The following RASAL2 variants were observed in gnomAD, a reference collection of about 807,000 sequenced individuals.
RASAL2 encodes the protein ras GTPase-activating protein nGAP.
A neutral mutation model predicts 128.9 loss-of-function variants in RASAL2; 58 were observed. The observed-to-expected ratio is 0.45, with a 90% CI of 0.36 to 0.56. RASAL2 has a LOEUF of 0.56. Ranked by LOEUF, RASAL2 falls within the 20% of genes least tolerant of loss-of-function variation. RASAL2 has a pLI of 0.00. For synonymous variants in RASAL2, 561 were observed against 580.8 expected (o/e 0.97, Z 0.49); for missense variants, 1,360 against 1,601.6 (o/e 0.85, Z 2.57).
chr1:178,218,949 C>T (rs1011595420), intron 1 of RASAL2, among the ~76,000 whole-genome samples: 1 of 152,218 alleles, frequency 6.6e-6, no homozygotes, highest in East Asian at 1.9e-4. Context: ...GCATTTTGTT[C>T]CAATAGCAGA....
intron 4 of RASAL2, among the ~76,000 whole-genome samples, chr1:178,414,189 A>G (rs554102904): frequency 6.6e-6 from 1 of 152,336 alleles, no homozygotes; most frequent in Admixed American, 6.5e-5. Flanking sequence ...CCTATCATAA[A>G]TCAAAAAATT....
intron 3 of RASAL2, among the ~76,000 whole-genome samples, chr1:178,338,024 GC>G (rs1184047374): frequency 1.3e-5 from 2 of 151,984 alleles, no homozygotes; most frequent in African/African-American, 4.8e-5. Flanking sequence ...GAGCCACTGT[GC>G]CCAGCTGTGA....
Position 178,457,783 on chromosome 1 carries a change from A to G in RASAL2, c.2491A>G (p.Thr831Ala), listed in dbSNP as rs1273403030. Residue 831 changes from threonine to alanine, a missense_variant, in exon 14 of 18, where the codon ACT (threonine) becomes GCT (alanine). Thr to Ala is a moderately conservative substitution (Grantham distance 58). Around this residue, in one of 3 missense-constraint regions of RASAL2, gnomAD observed 741 missense variants for 868.6 expected, o/e 0.85. Transcript: ENST00000367649. ...TCAGCAAGCCTCCTCTCAGAGCATG[A>G]CTTATTCTGAAAAGGATGAAAGGGA... ...LVQQASSQSM[T>A]YSEKDERESS... 1 of 1,614,102 alleles carries G rather than the reference A, an allele frequency of 6.2e-7. No individual in the cohort carries two copies. Among genetic ancestry groups the G allele is most frequent in the Non-Finnish European group, 8.5e-7 (1 of 1,180,048 alleles).
chr1:178,323,912 T>G (rs1482080018), intron 3 of RASAL2, among the ~76,000 whole-genome samples: 1 of 152,170 alleles, frequency 6.6e-6, no homozygotes, highest in African/African-American at 2.4e-5. Flanking sequence ...ATTTCACAGA[T>G]AGAGGGTTTA....
At chr1:178,095,449 G>A (rs886752695) in intron 1 of RASAL2, among the ~76,000 whole-genome samples, 5 of 152,328 alleles carry the variant, frequency 3.3e-5, no homozygotes, top group Admixed American at 2.6e-4. Flanking sequence ...TTATAGCCTG[G>A]CATTCAGGAC....
At chr1:178,364,095 C>CA (rs1331381002) in intron 3 of RASAL2, among the ~76,000 whole-genome samples, 9,399 of 108,064 alleles carry the variant, frequency 0.087, 579 homozygotes, top group African/African-American at 0.19. Context: ...GACTCCATCT[C>CA]AAAAAAAAAA....
chr1:178,255,019 C>T (rs1317106948), intron 1 of RASAL2, among the ~76,000 whole-genome samples: 1 of 151,796 alleles, frequency 6.6e-6, no homozygotes, highest in African/African-American at 2.4e-5. Flanking sequence ...GGATAACATA[C>T]TGAAAGTACT....
chr1:178,203,960 G>GA (rs1002935561), intron 1 of RASAL2, among the ~76,000 whole-genome samples: 26 of 152,012 alleles, frequency 1.7e-4, no homozygotes, highest in African/African-American at 6.0e-4. Flanking sequence ...TCTCCACCAG[G>GA]AAAAAAAACC....
intron 5 of RASAL2, among the ~76,000 whole-genome samples, chr1:178,434,809 G>A (rs1184875867): frequency 6.6e-6 from 1 of 151,700 alleles, no homozygotes; most frequent in Non-Finnish European, 1.5e-5. Flanking sequence ...GAAAGGATGT[G>A]CACTTTCAAA....
intron 1 of RASAL2, among the ~76,000 whole-genome samples, chr1:178,118,634 G>A (rs967626971): frequency 3.3e-5 from 5 of 152,168 alleles, no homozygotes; most frequent in African/African-American, 9.7e-5. Flanking sequence ...AGGTGATCAC[G>A]CACCAGCTGG....
intron 3 of RASAL2, among the ~76,000 whole-genome samples, chr1:178,360,435 G>A (rs886475128): frequency 6.6e-5 from 10 of 152,200 alleles, no homozygotes; most frequent in African/African-American, 1.7e-4. Flanking sequence ...AGGTAGAAGG[G>A]TGCAAACTCT....
chr1:178,135,685 C>G (rs1162192758), intron 1 of RASAL2, among the ~76,000 whole-genome samples: 1 of 151,972 alleles, frequency 6.6e-6, no homozygotes. Context: ...AAAGACATAC[C>G]TGAGACTGGG....
intron 3 of RASAL2, among the ~76,000 whole-genome samples, chr1:178,313,916 TATA>T (rs1315741113): frequency 6.6e-6 from 1 of 152,186 alleles, no homozygotes; most frequent in African/African-American, 2.4e-5. Context: ...GTTAAATTAT[TATA>T]ATCTAATAGA....
chr1:178,131,073 A>C (rs1008263907), intron 1 of RASAL2, among the ~76,000 whole-genome samples: 23 of 151,194 alleles, frequency 1.5e-4, no homozygotes, highest in Non-Finnish European at 2.7e-4. Flanking sequence ...ACAAAAAAAA[A>C]ACAAAAAAAA....
intron 1 of RASAL2, among the ~76,000 whole-genome samples, chr1:178,174,389 T>TA (rs1661814666): frequency 6.6e-6 from 1 of 152,094 alleles, no homozygotes; most frequent in Non-Finnish European, 1.5e-5. Flanking sequence ...TGCATGGTAA[T>TA]ACGGTTTCCA....
At position 178,464,349 on chromosome 1, in the gene RASAL2, G is replaced by A. The variant is rs145842651; in HGVS notation, c.3324G>A (p.Gly1108=). 8 of 1,613,712 alleles carry A rather than the reference G, an allele frequency of 5.0e-6. No homozygotes were observed. The highest frequency in any genetic ancestry group is 4.0e-5 in the African/African-American group (3 of 74,900). Residue 1108 remains glycine, a synonymous_variant, in exon 15 of 18, where the codon GGG becomes GGA. Transcript: ENST00000367649. ...CAGCAGCCTGGGTTCTGAACAATGG[G>A]CAGTATGAAGAGGATGTGGAAGAAA... ...ERTAAWVLNN[G]QYEEDVEETE...
chr1:178,228,050 C>T (rs999201255), intron 1 of RASAL2, among the ~76,000 whole-genome samples: 3 of 152,110 alleles, frequency 2.0e-5, no homozygotes, highest in Non-Finnish European at 4.4e-5. Context: ...AAATAACTAA[C>T]GTGAGTGATA....
chr1:178,120,172 G>A (rs1013963334), intron 1 of RASAL2, among the ~76,000 whole-genome samples: 5 of 152,182 alleles, frequency 3.3e-5, no homozygotes, highest in African/African-American at 9.7e-5. Flanking sequence ...TGATGGCTTC[G>A]TTTGATAGCT....
intron 1 of RASAL2, among the ~76,000 whole-genome samples, chr1:178,128,961 T>G (rs1659998847): frequency 6.6e-6 from 1 of 152,168 alleles, no homozygotes; most frequent in South Asian, 2.1e-4. Context: ...ACATTTGGGT[T>G]GTTCGGCTAT....
Sources: gnomAD v4.1 joint callset for allele counts (sites outside exome capture counted in the v4.1 genomes callset) on GRCh38, gnomAD v4.1.1 for gene constraint, gnomAD v4.1.1 regional missense constraint, MANE v1.5 for transcripts, NCBI Gene and HGNC (gene_info 2026-07-23, HGNC 2026-07-21) for gene names.